The following EIPR1 variants were observed in gnomAD, a reference collection of about 807,000 sequenced individuals.
EIPR1 encodes EARP complex and GARP complex interacting protein 1, also known as EARP and GARP complex-interacting protein 1.
EIPR1 carries 25 observed loss-of-function variants against 48.1 expected under a neutral mutation model. The ratio of observed to expected loss-of-function variants is 0.52; its 90% CI spans 0.38 to 0.73. EIPR1 has a LOEUF of 0.73. Ranked by LOEUF, EIPR1 falls within the 30% of genes least tolerant of loss-of-function variation. The probability of loss-of-function intolerance (pLI) is 0.00; values close to 1 mark genes in which losing one functional copy is unlikely to be tolerated. For missense variants in EIPR1, 415 were observed against 506.2 expected (o/e 0.82, Z 1.73); for synonymous variants, 204 against 201.9 (o/e 1.01, Z -0.09).
chr2:3,273,806 G>A (rs1161884080), intron 3 of EIPR1, among the ~76,000 whole-genome samples: 1 of 152,204 alleles, frequency 6.6e-6, no homozygotes, highest in East Asian at 1.9e-4. Flanking sequence ...CCTGATAGGA[G>A]CCTGTGACCC....
At position 3,233,537 on chromosome 2, in the gene EIPR1, G is replaced by A. The variant is rs539711673; in HGVS notation, c.417-19289C>T. Among the ~76,000 whole-genome samples, 3 of 152,272 alleles carry A rather than the reference G, an allele frequency of 2.0e-5. No homozygotes were observed. The East Asian group carries it at 5.8e-4, about 29-fold the overall frequency. On this transcript the variant is annotated intron_variant, in intron 4 of 8. Transcript: ENST00000382125. ...TTCTCAGGGACACTGGATCCCAGCC[G>A]TAACTGTGATAATGACCGTGCTGAT... is the stretch of plus-strand genomic sequence containing the variant.
In EIPR1 at chr2:3,306,650, G is replaced by A. The variant is rs1439540551; in HGVS notation, c.259+31367C>T. 3.9e-5 allele frequency among the ~76,000 whole-genome samples: 6 copies of A among 152,206 alleles called. No individual in the cohort carries two copies. In the South Asian group the frequency reaches 8.3e-4, roughly 21 times the overall value. ...GCTAGAGAAAAGAAAACATTTTTAG[G>A]AAGATCATAAGGAAGAGAAAATATA... On this transcript the variant is annotated intron_variant, in intron 3 of 8. Transcript: ENST00000382125.
chr2:3,262,993 C>T (rs1314345971), intron 3 of EIPR1, among the ~76,000 whole-genome samples: 3 of 152,182 alleles, frequency 2.0e-5, no homozygotes, highest in Non-Finnish European at 1.5e-5. Context: ...TTCTCTGCCC[C>T]GGACCCTCCC....
intron 4 of EIPR1, among the ~76,000 whole-genome samples, chr2:3,248,050 G>A (rs1666890821): frequency 6.6e-6 from 1 of 152,046 alleles, no homozygotes. Context: ...CCTGGTGGGA[G>A]GTATTGGGGC....
At chr2:3,301,734 C>T (rs1668766901) in intron 3 of EIPR1, among the ~76,000 whole-genome samples, 1 of 152,166 alleles carries the variant, frequency 6.6e-6, no homozygotes. Flanking sequence ...GATAAAATAA[C>T]ACAGTAGGAT....
chr2:3,237,064 A>G (rs935087546), intron 4 of EIPR1, among the ~76,000 whole-genome samples: 2 of 152,156 alleles, frequency 1.3e-5, no homozygotes, highest in Non-Finnish European at 1.5e-5. Context: ...CACAAGGCAC[A>G]CAAAGACGCA....
At chr2:3,242,906 A>G (rs2694097) in intron 4 of EIPR1, among the ~76,000 whole-genome samples, 139,250 of 152,252 alleles carry the variant, frequency 0.91, 64,170 homozygotes, top group East Asian at 0.98. Context: ...CAAGAAGTAT[A>G]AAAAAGGAAA....
intron 1 of EIPR1, among the ~76,000 whole-genome samples, chr2:3,372,606 A>C (rs1659704549): frequency 6.6e-6 from 1 of 152,258 alleles, no homozygotes; most frequent in Non-Finnish European, 1.5e-5. Context: ...CAACACCTCT[A>C]CGCAAATAAA....
intron 4 of EIPR1, among the ~76,000 whole-genome samples, chr2:3,223,908 A>G (rs1302809352): frequency 6.6e-6 from 1 of 152,146 alleles, no homozygotes; most frequent in African/African-American, 2.4e-5. Context: ...TCAAGCAGAA[A>G]GTGCTCCTCT....
intron 1 of EIPR1, among the ~76,000 whole-genome samples, chr2:3,374,145 A>G (rs1157292246): frequency 2.6e-5 from 4 of 150,986 alleles, no homozygotes; most frequent in African/African-American, 9.7e-5. Context: ...TCCCTATTTA[A>G]TAAATGGTGC....
intron 1 of EIPR1, among the ~76,000 whole-genome samples, chr2:3,372,747 C>T (rs1384528795): frequency 6.6e-6 from 1 of 152,120 alleles, no homozygotes; most frequent in African/African-American, 2.4e-5. Flanking sequence ...AATAGCTTAC[C>T]AACCAAAAAG....
intron 2 of EIPR1, among the ~76,000 whole-genome samples, chr2:3,341,121 C>CAAAAAAAAA (rs1258563248): frequency 2.2e-5 from 2 of 91,592 alleles, no homozygotes; most frequent in Non-Finnish European, 4.3e-5. Context: ...AAAAAAAAAA[C>CAAAAAAAAA]AAAACAAAAC....
At chr2:3,300,816 T>C (rs1668742526) in intron 3 of EIPR1, 1 of 152,172 alleles carries the variant, frequency 6.6e-6, no homozygotes, top group Non-Finnish European at 1.5e-5. Flanking sequence ...AGAGAGTATA[T>C]ATGTCATGGG....
rs146763865 is a variant in EIPR1, at chr2:3,196,991, C to T, written c.543G>A (p.Gly181=). The change falls in exon 6 of 9, where the codon GGG becomes GGA. Residue 181 remains glycine (G), a synonymous_variant. Coordinates refer to ENST00000382125, the MANE Select transcript of EIPR1 (RefSeq NM_003310.5). ...AVLASSASLE[G]KGQLKFTSGR... ...CTGAGGTGAACTTCAGTTGTCCCTT[C>T]CCTTCCAGGGACGCTGAGCTGGCCA... The T allele has an allele frequency of 1.9e-4, 300 of 1,613,920 alleles. No individual in the cohort carries two copies. In the East Asian group the frequency reaches 2.9e-3, roughly 16 times the overall value.
At chr2:3,248,996 G>T (rs1666925022) in intron 4 of EIPR1, among the ~76,000 whole-genome samples, 1 of 152,136 alleles carries the variant, frequency 6.6e-6, no homozygotes, top group Non-Finnish European at 1.5e-5. Flanking sequence ...TCAGTCTCAT[G>T]TATTTCCCTA....
intron 5 of EIPR1, among the ~76,000 whole-genome samples, chr2:3,199,074 C>A (rs867109614): frequency 2.6e-5 from 2 of 76,656 alleles, no homozygotes; most frequent in African/African-American, 4.1e-5. Flanking sequence ...CCCCCCCCGC[C>A]CCGGGAATGC....
chr2:3,275,950 GA>G (rs1260182851), intron 3 of EIPR1, among the ~76,000 whole-genome samples: 2 of 152,178 alleles, frequency 1.3e-5, no homozygotes, highest in African/African-American at 4.8e-5. Flanking sequence ...AGAACAAAAA[GA>G]GAACTCAAGG....
At chr2:3,203,290 G>A (rs138740572) in intron 5 of EIPR1, among the ~76,000 whole-genome samples, 1 of 152,348 alleles carries the variant, frequency 6.6e-6, no homozygotes, top group Non-Finnish European at 1.5e-5. Flanking sequence ...GAGTAACTAG[G>A]GAAAGCTTTC....
At chr2:3,355,289 G>C (rs183522241) in intron 1 of EIPR1, among the ~76,000 whole-genome samples, 5 of 152,310 alleles carry the variant, frequency 3.3e-5, no homozygotes, top group African/African-American at 1.2e-4. Flanking sequence ...CCTGGGAGAA[G>C]AGCCTGTAAA....
Sources: allele counts gnomAD v4.1 joint callset (sites outside exome capture counted in the v4.1 genomes callset), GRCh38; gene constraint gnomAD v4.1.1; transcripts MANE v1.5; gene names NCBI Gene and HGNC (gene_info 2026-07-23, HGNC 2026-07-21).